Variants in UGGT2 observed in about 807,000 individuals in gnomAD.
The protein encoded by UGGT2 is UDP-glucose glycoprotein glucosyltransferase 2, also known as UDP-glucose:glycoprotein glucosyltransferase 2.
Under a neutral mutation model 192.1 loss-of-function variants are expected in UGGT2, and 180 were observed. That is an observed-to-expected ratio of 0.94 (90% CI 0.83 to 1.06). UGGT2 has a LOEUF of 1.06. UGGT2 is among the 50% of genes least tolerant of loss of function. The pLI is 0.00. For missense variants in UGGT2, 1,849 were observed against 1,795.7 expected (o/e 1.03, Z -0.54); for synonymous variants, 580 against 591.0 (o/e 0.98, Z 0.27).
chr13:95,961,159 G>A (rs1468830139), intron 12 of UGGT2, among the ~76,000 whole-genome samples: 1 of 151,770 alleles, frequency 6.6e-6, no homozygotes, highest in Non-Finnish European at 1.5e-5. Flanking sequence ...AAACCAACAA[G>A]ACACAATTGT....
chr13:96,036,648 T>G (rs1461560220), intron 1 of UGGT2, among the ~76,000 whole-genome samples: 1 of 152,158 alleles, frequency 6.6e-6, no homozygotes, highest in Non-Finnish European at 1.5e-5. Flanking sequence ...TTCTGGAATC[T>G]CAGAGGCCAT....
At chr13:95,924,338 A>G (rs1257160667) in intron 20 of UGGT2, among the ~76,000 whole-genome samples, 1 of 150,586 alleles carries the variant, frequency 6.6e-6, no homozygotes, top group Non-Finnish European at 1.5e-5. Context: ...CCGCTTGAGA[A>G]GAAACAGCAG....
At chr13:95,996,231 G>A in intron 6 of UGGT2, 96 bp from the exon 7 acceptor site, 1 of 1,078,884 alleles carries the variant, frequency 9.3e-7, no homozygotes, top group Non-Finnish European at 1.4e-6. Flanking sequence ...GCCAGGTGCG[G>A]CAGCTCATGC....
At chr13:96,031,796 TCA>T in intron 2 of UGGT2, 91 bp downstream of exon 2, 1 of 906,504 alleles carries the variant, frequency 1.1e-6, no homozygotes, top group Non-Finnish European at 1.6e-6. Context: ...AGTGAAGCAT[TCA>T]CACTTAACCA....
intron 10 of UGGT2, among the ~76,000 whole-genome samples, chr13:95,974,537 C>T (rs1377351729): frequency 6.6e-6 from 1 of 152,206 alleles, no homozygotes; most frequent in Admixed American, 6.5e-5. Flanking sequence ...ACAGACTGAA[C>T]TCAGCAAGTC....
chr13:95,996,201 T>C (rs2051614140), intron 6 of UGGT2, 66 bp from the exon 7 acceptor site: 2 of 1,458,652 alleles, frequency 1.4e-6, no homozygotes, highest in Admixed American at 1.9e-5. Context: ...GAACATGTAA[T>C]CAAAAATTAG....
intron 5 of UGGT2, among the ~76,000 whole-genome samples, chr13:96,011,648 C>A (rs563318413): frequency 6.6e-6 from 1 of 152,216 alleles, no homozygotes; most frequent in African/African-American, 2.4e-5. Flanking sequence ...ACTTACCATA[C>A]AACTCAGCAA....
chr13:95,932,576 G>A (rs982890464), intron 17 of UGGT2, among the ~76,000 whole-genome samples: 1 of 152,052 alleles, frequency 6.6e-6, no homozygotes, highest in African/African-American at 2.4e-5. Context: ...CTATTTGGAT[G>A]CCTTTTATTT....
At chr13:95,881,905 A>G (rs982093178) in intron 27 of UGGT2, among the ~76,000 whole-genome samples, 1 of 140,494 alleles carries the variant, frequency 7.1e-6, no homozygotes, top group South Asian at 2.3e-4. Context: ...TAACTGTCTC[A>G]CTTTTAGCTT....
At chr13:95,832,046 CT>C (rs751726923) in intron 38 of UGGT2, among the ~76,000 whole-genome samples, 2,295 of 137,692 alleles carry the variant, frequency 0.017, 29 homozygotes, top group African/African-American at 0.043. Context: ...TAAAGGAAAA[CT>C]TTTTTTTTTT....
intron 20 of UGGT2, among the ~76,000 whole-genome samples, chr13:95,925,054 C>T (rs993274214): frequency 5.9e-5 from 9 of 152,172 alleles, no homozygotes; most frequent in African/African-American, 2.2e-4. Flanking sequence ...TTATACTTAG[C>T]TAATATAAAA....
At chr13:95,802,938 A>G (rs1272830503) in intron 38 of UGGT2, among the ~76,000 whole-genome samples, 1 of 152,104 alleles carries the variant, frequency 6.6e-6, no homozygotes, top group Non-Finnish European at 1.5e-5. Flanking sequence ...GGTTCACACC[A>G]TTCTCCTGCC....
chr13:96,012,809 G>A (rs1221793593), intron 5 of UGGT2, among the ~76,000 whole-genome samples: 1 of 151,890 alleles, frequency 6.6e-6, no homozygotes, highest in Non-Finnish European at 1.5e-5. Flanking sequence ...AGGAGATACA[G>A]TAATAAGTGC....
At chr13:95,939,908 T>C in intron 16 of UGGT2, 49 bp downstream of exon 16, 1 of 1,432,364 alleles carries the variant, frequency 7.0e-7, no homozygotes, top group Non-Finnish European at 9.5e-7. Context: ...ATGTGGTGTT[T>C]GTCTTTCTGT....
intron 17 of UGGT2, among the ~76,000 whole-genome samples, chr13:95,927,971 C>T (rs1290278061): frequency 1.3e-5 from 2 of 152,212 alleles, no homozygotes; most frequent in East Asian, 1.9e-4. Context: ...TCAGAGAGCA[C>T]GGGGTTGGGG....
intron 14 of UGGT2, 109 bp downstream of exon 14, chr13:95,947,887 C>G: frequency 1.3e-6 from 1 of 796,454 alleles, no homozygotes; most frequent in South Asian, 1.7e-5. Context: ...ATGTCAGGCA[C>G]TAGAGCTAAC....
At chr13:95,823,202 C>G (rs868089065) in intron 38 of UGGT2, among the ~76,000 whole-genome samples, 1 of 151,760 alleles carries the variant, frequency 6.6e-6, no homozygotes, top group African/African-American at 2.4e-5. Flanking sequence ...TGTTTTGTGG[C>G]CTATGTTGGA....
chr13:96,053,205 A>C lies in UGGT2; in HGVS notation c.108T>G (p.Thr36=), dbSNP rs975492392. Residue 36 remains threonine (T), a synonymous_variant, in exon 1 of 39, where the codon ACT becomes ACG. Transcript: ENST00000376747. ...CGGGCCACTTCGCGGCCAAGTGGGCAGTCACCGACTTGGACGCGGCGACCG... is the reference window on the plus strand; with the variant it reads ...CGGGCCACTTCGCGGCCAAGTGGGCCGTCACCGACTTGGACGCGGCGACCG... ...SGTVAASKSV[T]AHLAAKWPET... is the part of the protein sequence containing the mutation. 1 of 1,531,964 alleles carries C rather than the reference A, an allele frequency of 6.5e-7. No homozygotes were observed. Among genetic ancestry groups the C allele is most frequent in the Non-Finnish European group, 8.7e-7 (1 of 1,145,828 alleles). The allele number at this position is 1,531,964 out of a possible 1,614,324, so 94.9% of individuals were successfully genotyped here.
chr13:95,816,708 G>C (rs546863468), intron 38 of UGGT2, among the ~76,000 whole-genome samples: 50 of 152,226 alleles, frequency 3.3e-4, no homozygotes, highest in Admixed American at 1.9e-3. Flanking sequence ...CTTAGTGATT[G>C]TAAGAGTTGG....
Sources: allele counts gnomAD v4.1 joint callset (sites outside exome capture counted in the v4.1 genomes callset), GRCh38; gene constraint gnomAD v4.1.1; transcripts MANE v1.5; gene names NCBI Gene and HGNC (gene_info 2026-07-23, HGNC 2026-07-21).